PRUNE2: variants seen among roughly 807,000 people sequenced by gnomAD.
PRUNE2 encodes protein prune homolog 2.
A neutral mutation model predicts 252.0 loss-of-function variants in PRUNE2; 164 were observed. That is an observed-to-expected ratio of 0.65 (90% confidence interval 0.57 to 0.74). The LOEUF (loss-of-function observed/expected upper bound fraction) is 0.74. Ranked by LOEUF, PRUNE2 falls within the 30% of genes least tolerant of loss-of-function variation. PRUNE2 has a pLI of 0.00. For missense variants in PRUNE2, 3,495 were observed against 3,711.0 expected (o/e 0.94, Z 1.51); for synonymous variants, 1,292 against 1,350.2 (o/e 0.96, Z 0.94).
At chr9:76,826,197 G>C (rs2058334848) in intron 5 of PRUNE2, among the ~76,000 whole-genome samples, 3 of 152,180 alleles carry the variant, frequency 2.0e-5, no homozygotes, top group Admixed American at 2.0e-4. Flanking sequence ...TTCTCAGCTG[G>C]GCATGGTGGC....
At chr9:76,796,712 T>C (rs2056121231) in intron 6 of PRUNE2, among the ~76,000 whole-genome samples, 1 of 152,230 alleles carries the variant, frequency 6.6e-6, no homozygotes, top group Non-Finnish European at 1.5e-5. Context: ...GGTATGTCTC[T>C]GATGGTGTTT....
At chr9:76,832,639 C>A (rs928731519) in intron 4 of PRUNE2, among the ~76,000 whole-genome samples, 1 of 151,478 alleles carries the variant, frequency 6.6e-6, no homozygotes, top group Non-Finnish European at 1.5e-5. Context: ...AAAATACACA[C>A]ACATTAAATT....
chr9:76,795,081 G>A (rs2055953373), intron 6 of PRUNE2, among the ~76,000 whole-genome samples: 1 of 152,140 alleles, frequency 6.6e-6, no homozygotes, highest in African/African-American at 2.4e-5. Context: ...TGGGAATGGG[G>A]GCCTAATTGA....
intron 4 of PRUNE2, among the ~76,000 whole-genome samples, chr9:76,841,257 A>G (rs1215238101): frequency 2.0e-5 from 3 of 152,188 alleles, no homozygotes; most frequent in African/African-American, 7.2e-5. Flanking sequence ...ATGAGGGACC[A>G]TGCCATGAGG....
Position 76,883,191 on chromosome 9 carries a change from A to G in PRUNE2, c.36+22737T>C, listed in dbSNP as rs1589756659. 2.0e-5 allele frequency among the ~76,000 whole-genome samples: 3 copies of G among 152,322 alleles called. No homozygotes were observed. In the Middle Eastern group the frequency reaches 0.01, roughly 518 times the overall value. On this transcript the variant is annotated intron_variant, in intron 1 of 18. Transcript: ENST00000376718. ...TTTACATATAGCAAAATTGTTTCAC[A>G]AAAACTACATTGTCACTATTAAATA...
In PRUNE2 at chr9:76,807,051, T is replaced by TGTGTGTGTGCGC. The variant is rs60768420; in HGVS notation, c.756+16580_756+16581insGCGCACACACAC. Among the ~76,000 whole-genome samples, 426 of 139,442 alleles carry TGTGTGTGTGCGC rather than the reference T, an allele frequency of 3.1e-3. 3 individuals are homozygous for TGTGTGTGTGCGC. Among genetic ancestry groups the TGTGTGTGTGCGC allele is most frequent in the South Asian group, 7.7e-3 (34 of 4,428 alleles). 91.5% of individuals were successfully genotyped at this position (139,442 alleles called of 152,430 possible). A position where few individuals can be genotyped will look rare whatever the true frequency, so the allele number is the denominator to read the frequency against. ...GTGTGTGTGTGTGTGTGTGTGTGTGTGCGCGCGCGCGTGTGTCTGTCTCTC... is the reference window on the plus strand; with the variant it reads ...GTGTGTGTGTGTGTGTGTGTGTGTGTGTGTGTGTGCGCGCGCGCGCGCGTGTGTCTGTCTCTC... On this transcript the variant is annotated intron_variant, in intron 6 of 18. Transcript: ENST00000376718.
intron 1 of PRUNE2, among the ~76,000 whole-genome samples, chr9:76,880,409 G>A (rs1386413882): frequency 6.6e-6 from 1 of 152,054 alleles, no homozygotes; most frequent in Admixed American, 6.5e-5. Context: ...CTTTTTTGCT[G>A]TGTAGACATT....
chr9:76,651,687 A>C (rs755214509), intron 11 of PRUNE2, among the ~76,000 whole-genome samples: 1 of 152,224 alleles, frequency 6.6e-6, no homozygotes, highest in Non-Finnish European at 1.5e-5. Context: ...AGAAAGACTG[A>C]AGTTCATATC....
intron 9 of PRUNE2, among the ~76,000 whole-genome samples, chr9:76,659,909 AAATTT>A (rs1850635551): frequency 6.6e-6 from 1 of 151,346 alleles, no homozygotes; most frequent in Admixed American, 6.6e-5. Context: ...TAATACTATT[AAATTT>A]AAGTTAGAAA....
chr9:76,887,498 C>A (rs958359338), intron 1 of PRUNE2, among the ~76,000 whole-genome samples: 41 of 152,168 alleles, frequency 2.7e-4, no homozygotes, highest in Non-Finnish European at 5.0e-4. Flanking sequence ...TGACAATAAT[C>A]CGTCCCTGCA....
At position 76,706,388 on chromosome 9, in the gene PRUNE2, G is replaced by C. The variant is rs537145614; in HGVS notation, c.5886C>G (p.Thr1962=). 1.9e-6 allele frequency: 3 copies of C among 1,614,020 alleles called. No homozygotes were observed. The African/African-American group carries it at 4.0e-5, about 22-fold the overall frequency. ...ETPTQEQCQD[T]MLPVCDHPDT... Reference sequence around the variant, plus strand: ...CCGGATGATCACAGACTGGCAGCATGGTGTCCTGACACTGCTCTTGGGTAG... The same window carrying C: ...CCGGATGATCACAGACTGGCAGCATCGTGTCCTGACACTGCTCTTGGGTAG... Residue 1962 remains threonine, a synonymous_variant, in exon 8 of 19, where the codon ACC becomes ACG. Coordinates refer to ENST00000376718, the MANE Select transcript of PRUNE2 (RefSeq NM_015225.3).
chr9:76,703,809 A>G lies in PRUNE2; in HGVS notation c.7804T>C (p.Ser2602Pro). 1 of 1,613,924 alleles carries G rather than the reference A, an allele frequency of 6.2e-7. No homozygotes were observed. Among genetic ancestry groups the G allele is most frequent in the South Asian group, 1.1e-5 (1 of 91,080 alleles). The change falls in exon 9 of 19, where the codon TCC (serine) becomes CCC (proline). Residue 2602 changes from serine to proline, a missense_variant. Ser to Pro is a moderately conservative substitution (Grantham distance 74, BLOSUM62 -1). Transcript: ENST00000376718. ...GAGAGACCTTTTCTTTCATTTAAGG[A>G]GGCTGGCTGACATGTGTCTGGGAAG... ...ASFPDTCQPA[S>P]LNERKGLSAE... is the part of the protein sequence containing the mutation.
chr9:76,881,052 C>CCG (rs1363931291), intron 1 of PRUNE2, among the ~76,000 whole-genome samples: 3 of 151,814 alleles, frequency 2.0e-5, no homozygotes, highest in Admixed American at 6.6e-5. Context: ...CCTCCACCTC[C>CCG]CTCCCCCTGG....
intron 4 of PRUNE2, among the ~76,000 whole-genome samples, chr9:76,837,581 A>AG (rs1014654145): frequency 6.6e-6 from 1 of 151,754 alleles, no homozygotes; most frequent in African/African-American, 2.4e-5. Context: ...AGGATAGAGC[A>AG]GGGGTATTTC....
intron 6 of PRUNE2, among the ~76,000 whole-genome samples, chr9:76,776,518 CTTTTTTT>C (rs796197139): frequency 1.6e-5 from 2 of 122,850 alleles, no homozygotes; most frequent in Admixed American, 8.3e-5. Context: ...TTTCTTTTTT[CTTTTTTT>C]TTTTTTTTTG....
At chr9:76,824,052 G>C (rs2058200001) in intron 5 of PRUNE2, among the ~76,000 whole-genome samples, 1 of 152,170 alleles carries the variant, frequency 6.6e-6, no homozygotes, top group African/African-American at 2.4e-5. Flanking sequence ...GACCCAGAAA[G>C]AAAACAGAGA....
chr9:76,890,239 T>C (rs1008706394), intron 1 of PRUNE2, among the ~76,000 whole-genome samples: 6 of 152,160 alleles, frequency 3.9e-5, no homozygotes, highest in Non-Finnish European at 7.3e-5. Flanking sequence ...TCAAATAACA[T>C]ATGTAGCTGC....
chr9:76,787,867 T>A (rs2055159211), intron 6 of PRUNE2, among the ~76,000 whole-genome samples: 2 of 152,212 alleles, frequency 1.3e-5, no homozygotes, highest in South Asian at 4.1e-4. Context: ...GCCCAGCTCC[T>A]CCCGACTTCC....
chr9:76,905,470 A>G (rs2063432960), intron 1 of PRUNE2, among the ~76,000 whole-genome samples: 1 of 152,154 alleles, frequency 6.6e-6, no homozygotes, highest in South Asian at 2.1e-4. Flanking sequence ...AGTACCACAC[A>G]TGTCCTTGCT....
Sources: allele counts gnomAD v4.1 joint callset (sites outside exome capture counted in the v4.1 genomes callset), GRCh38; gene constraint gnomAD v4.1.1; transcripts MANE v1.5; gene names NCBI Gene and HGNC (gene_info 2026-07-23, HGNC 2026-07-21).